The following COMMD10 variants were observed in gnomAD, a reference collection of about 807,000 sequenced individuals.
COMMD10 encodes the protein COMM domain containing 10, also known as COMM domain-containing protein 10.
COMMD10 carries 33 observed loss-of-function variants against 28.9 expected under a neutral mutation model. The observed-to-expected ratio is 1.14, with a 90% confidence interval of 0.87 to 1.53. The LOEUF (loss-of-function observed/expected upper bound fraction) is 1.53. Among genes scored for constraint, COMMD10 ranks in the 40% most tolerant of loss-of-function variants. The pLI is 0.00. For synonymous variants in COMMD10, 110 were observed against 81.7 expected (o/e 1.35, Z -1.87); for missense variants, 310 against 233.4 (o/e 1.33, Z -2.14).
intron 5 of COMMD10, among the ~76,000 whole-genome samples, chr5:116,186,114 G>A (rs4484468): frequency 0.31 from 47,691 of 151,918 alleles, 10,375 homozygotes; most frequent in African/African-American, 0.62. Context: ...TACTGTCAAC[G>A]TTTAAACATG....
At chr5:116,157,085 T>C (rs1752742315) in intron 5 of COMMD10, among the ~76,000 whole-genome samples, 1 of 152,176 alleles carries the variant, frequency 6.6e-6, no homozygotes, top group Non-Finnish European at 1.5e-5. Context: ...CGATTTTTTG[T>C]TGCTACATAT....
In COMMD10 at chr5:116,120,065, C is replaced by G. The variant is rs183318032; in HGVS notation, c.400-14003C>G. Among the ~76,000 whole-genome samples, 10 of 152,160 alleles carry G rather than the reference C, an allele frequency of 6.6e-5. 1 individual carries two copies. Among genetic ancestry groups the G allele is most frequent in the African/African-American group, 2.4e-4 (10 of 41,462 alleles). ...AAGATACAGAGCATTATGTTTATAGCGGCACAATTTGCAATTGCAACAATA... is the reference window on the plus strand; with the variant it reads ...AAGATACAGAGCATTATGTTTATAGGGGCACAATTTGCAATTGCAACAATA... On this transcript the variant is annotated intron_variant, in intron 4 of 6. Transcript: ENST00000274458.
At chr5:116,256,041 C>T (rs567743855) in intron 5 of COMMD10, among the ~76,000 whole-genome samples, 63 of 151,570 alleles carry the variant, frequency 4.2e-4, no homozygotes, top group Non-Finnish European at 7.1e-4. Flanking sequence ...AATAAAGTAG[C>T]GCAAATATGC....
At chr5:116,232,900 G>A (rs1749564288) in intron 5 of COMMD10, among the ~76,000 whole-genome samples, 1 of 152,150 alleles carries the variant, frequency 6.6e-6, no homozygotes, top group Non-Finnish European at 1.5e-5. Flanking sequence ...TTAAGTACAT[G>A]TAGAAGGTCA....
chr5:116,227,977 A>G (rs1470004843), intron 5 of COMMD10, among the ~76,000 whole-genome samples: 1 of 152,054 alleles, frequency 6.6e-6, no homozygotes, highest in East Asian at 1.9e-4. Context: ...AAAAGAGAGA[A>G]TAAAATGTCA....
At chr5:116,224,359 C>G (rs1451518335) in intron 5 of COMMD10, among the ~76,000 whole-genome samples, 1 of 152,070 alleles carries the variant, frequency 6.6e-6, no homozygotes, top group Non-Finnish European at 1.5e-5. Context: ...GTATATTAAT[C>G]CATTTTTGTT....
chr5:116,171,142 A>AGG (rs1753316278), intron 5 of COMMD10, among the ~76,000 whole-genome samples: 1 of 131,570 alleles, frequency 7.6e-6, no homozygotes, highest in Non-Finnish European at 1.5e-5. Flanking sequence ...TTACATGAAG[A>AGG]AAACTGCATC....
At chr5:116,267,937 C>G (rs527920445) in intron 5 of COMMD10, among the ~76,000 whole-genome samples, 3 of 151,938 alleles carry the variant, frequency 2.0e-5, no homozygotes, top group African/African-American at 7.3e-5. Flanking sequence ...ACACCTTATA[C>G]AAAAATTAAT....
intron 5 of COMMD10, among the ~76,000 whole-genome samples, chr5:116,166,586 A>G (rs768524056): frequency 2.0e-5 from 3 of 152,196 alleles, no homozygotes; most frequent in Non-Finnish European, 4.4e-5. Flanking sequence ...CATCTCATAC[A>G]GGAGAGCTCC....
intron 2 of COMMD10, among the ~76,000 whole-genome samples, chr5:116,088,798 C>T (rs1350862722): frequency 6.6e-6 from 1 of 152,224 alleles, no homozygotes; most frequent in East Asian, 1.9e-4. Context: ...CTAGTTCATT[C>T]TCACCTGATT....
intron 5 of COMMD10, among the ~76,000 whole-genome samples, chr5:116,198,778 C>T (rs1269342787): frequency 6.6e-6 from 1 of 152,182 alleles, no homozygotes; most frequent in African/African-American, 2.4e-5. Flanking sequence ...CATGTCTTTT[C>T]ATGCATCGAT....
intron 5 of COMMD10, among the ~76,000 whole-genome samples, chr5:116,240,026 A>G (rs1211949441): frequency 6.6e-6 from 1 of 152,150 alleles, no homozygotes; most frequent in East Asian, 1.9e-4. Flanking sequence ...GACACCCTTG[A>G]ATTTATTTCT....
intron 2 of COMMD10, among the ~76,000 whole-genome samples, chr5:116,089,200 C>T (rs575536698): frequency 1.3e-4 from 20 of 152,232 alleles, no homozygotes; most frequent in Admixed American, 6.5e-5. Flanking sequence ...TCATCTAATC[C>T]GTATGGCAAC....
At chr5:116,237,639 G>A (rs1490264123) in intron 5 of COMMD10, among the ~76,000 whole-genome samples, 1 of 151,932 alleles carries the variant, frequency 6.6e-6, no homozygotes, top group African/African-American at 2.4e-5. Context: ...TTGAGACCCT[G>A]CTTCTAGAAA....
intron 5 of COMMD10, among the ~76,000 whole-genome samples, chr5:116,261,692 C>T (rs72806941): frequency 0.053 from 7,979 of 151,682 alleles, 298 homozygotes; most frequent in East Asian, 0.14. Context: ...TTCTGGCTTC[C>T]TCATTCCTAT....
chr5:116,260,043 C>T (rs998396236), intron 5 of COMMD10, among the ~76,000 whole-genome samples: 1 of 151,678 alleles, frequency 6.6e-6, no homozygotes, highest in Admixed American at 6.6e-5. Context: ...TTTTCCTGCA[C>T]TATCATTCTT....
chr5:116,157,169 A>G (rs915665316), intron 5 of COMMD10, among the ~76,000 whole-genome samples: 3 of 152,146 alleles, frequency 2.0e-5, no homozygotes, highest in African/African-American at 7.2e-5. Flanking sequence ...TAGATTGCTC[A>G]CTGTTTTTCA....
chr5:116,265,656 A>G (rs1054017671), intron 5 of COMMD10, among the ~76,000 whole-genome samples: 21 of 151,852 alleles, frequency 1.4e-4, no homozygotes, highest in African/African-American at 3.9e-4. Flanking sequence ...AACATAAAAA[A>G]TGATGATGAT....
intron 4 of COMMD10, among the ~76,000 whole-genome samples, chr5:116,105,071 C>T (rs1478283383): frequency 6.6e-6 from 1 of 152,154 alleles, no homozygotes; most frequent in Non-Finnish European, 1.5e-5. Flanking sequence ...TTTGCCCATA[C>T]AGTATGATAT....
Sources: allele counts gnomAD v4.1 joint callset (sites outside exome capture counted in the v4.1 genomes callset), GRCh38; gene constraint gnomAD v4.1.1; transcripts MANE v1.5; gene names NCBI Gene and HGNC (gene_info 2026-07-23, HGNC 2026-07-21).